ADAMTS15: variants seen among roughly 807,000 people sequenced by gnomAD.
ADAMTS15 encodes the protein ADAM metallopeptidase with thrombospondin type 1 motif 15.
Under a neutral mutation model 79.1 loss-of-function variants are expected in ADAMTS15, and 35 were observed. The observed-to-expected ratio is 0.44, with a 90% CI of 0.34 to 0.59. The LOEUF is 0.59. Ranked by LOEUF, ADAMTS15 falls within the 20% of genes least tolerant of loss-of-function variation. The pLI is 0.02. For synonymous variants in ADAMTS15, 616 were observed against 567.3 expected, an observed-to-expected ratio of 1.09 and a Z score of -1.22; for missense variants, 1,324 against 1,318.7, an observed-to-expected ratio of 1.00 and a Z score of -0.06.
Position 130,462,128 on chromosome 11 carries a change from G to A in ADAMTS15, c.1132G>A (p.Glu378Lys). ...GCCCCATGACAATGTGAAAGTCTGTGAGGAGGTGTTTGGGAAGCTCCGAGC... is the reference window on the plus strand; with the variant it reads ...GCCCCATGACAATGTGAAAGTCTGTAAGGAGGTGTTTGGGAAGCTCCGAGC... ...NMPHDNVKVC[E>K]EVFGKLRANH... The change falls in exon 3 of 8, where the codon GAG (glutamate) becomes AAG (lysine). Residue 378 changes from glutamate to lysine, a missense_variant. Coordinates refer to ENST00000299164, the MANE Select transcript of ADAMTS15 (RefSeq NM_139055.4). This position sits in a 1 kb window ranked among gnomAD's most constrained non-coding sequence, Gnocchi z 4.3. The A allele has an allele frequency of 6.2e-7, 1 of 1,614,134 alleles. No individual in the cohort carries two copies. Among genetic ancestry groups the A allele is most frequent in the Non-Finnish European group, 8.5e-7 (1 of 1,180,020 alleles).
At chr11:130,455,735 G>T (rs866624007) in intron 1 of ADAMTS15, among the ~76,000 whole-genome samples, 3 of 152,350 alleles carry the variant, frequency 2.0e-5, no homozygotes, top group Admixed American at 6.5e-5. Context: ...ATCCACCTTG[G>T]AGTCAGCAGA....
intron 5 of ADAMTS15, among the ~76,000 whole-genome samples, chr11:130,470,207 T>TGTATATATATATATAC (rs1938421255): frequency 1.7e-5 from 1 of 60,214 alleles, no homozygotes; most frequent in South Asian, 4.4e-4. Flanking sequence ...TATATATATA[T>TGTATATATATATATAC]ATGTATATAT....
At chr11:130,468,645 A>G (rs1322523562) in intron 4 of ADAMTS15, among the ~76,000 whole-genome samples, 19 of 151,200 alleles carry the variant, frequency 1.3e-4, no homozygotes, top group South Asian at 4.2e-4. Flanking sequence ...GGCGCCTGTA[A>G]TCCCAGCTAC....
rs1565397563 is a variant in ADAMTS15, at chr11:130,470,144, ATATATATG to A, written c.1720+707_1720+714del. ...CATATATATATATACATATATATATATATATATGTGTATATATATATATATATATATAT... is the reference window on the plus strand; with the variant it reads ...CATATATATATATACATATATATATATGTATATATATATATATATATATAT... On this transcript the variant is annotated intron_variant, in intron 5 of 7. Transcript: ENST00000299164. Among the ~76,000 whole-genome samples, 627 of 64,752 alleles carry A rather than the reference ATATATATG, an allele frequency of 9.7e-3. 18 individuals are homozygous for A. Among genetic ancestry groups the A allele is most frequent in the Non-Finnish European group, 0.015 (509 of 34,430 alleles). The allele number at this position is 64,752 out of a possible 152,430, so 42.5% of individuals were successfully genotyped here. A position where few individuals can be genotyped will look rare whatever the true frequency, so the allele number is the denominator to read the frequency against.
chr11:130,471,196 G>A lies in ADAMTS15; in HGVS notation c.1903-12G>A, dbSNP rs1214090103. 1.3e-6 allele frequency: 2 copies of A among 1,590,644 alleles called. No individual in the cohort carries two copies. Among genetic ancestry groups the A allele is most frequent in the Admixed American group, 1.8e-5 (1 of 57,002 alleles). ...TGCTCTTCCTTCTTTTTCCCCTTCTGGGGTGCTGCAGGTGGTGGACGGCAC... is the reference window on the plus strand; with the variant it reads ...TGCTCTTCCTTCTTTTTCCCCTTCTAGGGTGCTGCAGGTGGTGGACGGCAC... On this transcript the variant is annotated splice_polypyrimidine_tract_variant and intron_variant, in intron 6 of 7. Coordinates refer to ENST00000299164, the MANE Select transcript of ADAMTS15 (RefSeq NM_139055.4).
intron 1 of ADAMTS15, among the ~76,000 whole-genome samples, chr11:130,457,120 C>T (rs1938098005): frequency 6.6e-6 from 1 of 151,712 alleles, no homozygotes; most frequent in South Asian, 2.1e-4. Flanking sequence ...GTAATCCCAG[C>T]TGCTCGGGAG....
At chr11:130,469,529 C>T (rs1016928626) in intron 5 of ADAMTS15, 90 bp downstream of exon 5, 4 of 1,026,434 alleles carry the variant, frequency 3.9e-6, no homozygotes, top group Non-Finnish European at 5.1e-6. Flanking sequence ...TAATGCATGG[C>T]CTCCAGGTAA....
In ADAMTS15 at chr11:130,449,621, C is replaced by G; in HGVS notation, c.648C>G (p.Ile216Met). The G allele has an allele frequency of 3.1e-6, 5 of 1,605,486 alleles. No individual in the cohort carries two copies. The highest frequency in any genetic ancestry group is 3.4e-6 in the Non-Finnish European group (4 of 1,176,506). ...GGCGCGCCAAGCGTTTCGTGTCTAT[C>G]CCGCGGTACGTGGAGACGCTGGTGG... The part of the protein sequence containing the change: ...RSGRAKRFVS[I>M]PRYVETLVVA... The change falls in exon 1 of 8, where the codon ATC becomes ATG. Residue 216 changes from isoleucine (I) to methionine (M), a missense_variant. Physicochemically the swap from Ile to Met is conservative, Grantham distance 10. Transcript: ENST00000299164. The surrounding 1 kb of genome is among the most constrained non-coding windows in gnomAD (Gnocchi z 7.8).
At chr11:130,458,383 G>A (rs1303185020) in intron 1 of ADAMTS15, among the ~76,000 whole-genome samples, 1 of 152,140 alleles carries the variant, frequency 6.6e-6, no homozygotes, top group African/African-American at 2.4e-5. Flanking sequence ...TCTGAAGAGC[G>A]GGGCCGGGGA....
At chr11:130,454,995 G>A (rs56105259) in intron 1 of ADAMTS15, among the ~76,000 whole-genome samples, 5,329 of 151,640 alleles carry the variant, frequency 0.035, 125 homozygotes, top group Non-Finnish European at 0.053. Context: ...ACTCGATCAC[G>A]TGGCATGATG....
chr11:130,466,088 G>A (rs1288074027), intron 4 of ADAMTS15, among the ~76,000 whole-genome samples: 4 of 152,028 alleles, frequency 2.6e-5, no homozygotes, highest in Non-Finnish European at 4.4e-5. Flanking sequence ...GGTCAGGCTG[G>A]TCTCGAACTC....
intron 1 of ADAMTS15, chr11:130,450,138 G>A (rs752216412): frequency 1.8e-5 from 18 of 985,382 alleles, no homozygotes; most frequent in Non-Finnish European, 2.0e-5. Flanking sequence ...GGCCATTGGA[G>A]GAGAGCCTGC....
In ADAMTS15 at chr11:130,473,377, G is replaced by C. The variant is rs1364593767; in HGVS notation, c.2409G>C (p.Glu803Asp). 1 of 1,612,828 alleles carries C rather than the reference G, an allele frequency of 6.2e-7. No individual in the cohort carries two copies. Among genetic ancestry groups the C allele is most frequent in the Admixed American group, 1.7e-5 (1 of 60,024 alleles). Residue 803 changes from glutamate (E) to aspartate (D), a missense_variant, in exon 8 of 8, where the codon GAG becomes GAC. Coordinates refer to ENST00000299164, the MANE Select transcript of ADAMTS15 (RefSeq NM_139055.4). ...RVRYSFYLPK[E>D]PREDKSSHPK... Reference sequence around the variant, plus strand: ...GCTACTCCTTCTATCTGCCCAAAGAGCCTCGGGAGGACAAGTCCTCTCATC... The same window carrying C: ...GCTACTCCTTCTATCTGCCCAAAGACCCTCGGGAGGACAAGTCCTCTCATC...
chr11:130,450,464 G>C (rs901520875), intron 1 of ADAMTS15: 213 of 983,220 alleles, frequency 2.2e-4, no homozygotes, highest in Non-Finnish European at 2.5e-4. Flanking sequence ...AGCCTGGATT[G>C]GGGTGGAGGG....
intron 1 of ADAMTS15, among the ~76,000 whole-genome samples, chr11:130,456,074 G>A (rs1938072360): frequency 1.3e-5 from 2 of 152,144 alleles, no homozygotes; most frequent in Admixed American, 6.5e-5. Flanking sequence ...TGGGCTTACT[G>A]TGTGACCCTG....
At chr11:130,458,534 A>G (rs941439531) in intron 1 of ADAMTS15, among the ~76,000 whole-genome samples, 1 of 151,466 alleles carries the variant, frequency 6.6e-6, no homozygotes, top group East Asian at 1.9e-4. Context: ...TATAACCTAC[A>G]GGGCCAGAAG....
At position 130,448,940 on chromosome 11, in the gene ADAMTS15, C is replaced by T. The variant is rs773687938; in HGVS notation, c.-34C>T. ...GCGGCCGGAGAGCCCGGCCCAGCCC[C>T]TTCCCACAGCGCGGCGGTGCGCTGC... On this transcript the variant is annotated 5_prime_UTR_variant, in exon 1 of 8. Coordinates refer to ENST00000299164, the MANE Select transcript of ADAMTS15 (RefSeq NM_139055.4). 6.8e-7 allele frequency: 1 copy of T among 1,469,184 alleles called. No individual in the cohort carries two copies. Among genetic ancestry groups the T allele is most frequent in the Non-Finnish European group, 9.0e-7 (1 of 1,109,690 alleles). The allele number at this position is 1,469,184 out of a possible 1,614,324, so 91.0% of individuals were successfully genotyped here.
Position 130,457,966 on chromosome 11 carries a change from G to A in ADAMTS15, c.958-3523G>A, listed in dbSNP as rs558722673. Among the ~76,000 whole-genome samples, 8 of 152,216 alleles carry A rather than the reference G, an allele frequency of 5.3e-5. No homozygotes were observed. The South Asian group carries it at 1.2e-3, about 24-fold the overall frequency. On this transcript the variant is annotated intron_variant, in intron 1 of 7. Transcript: ENST00000299164. The stretch of plus-strand genomic sequence containing the variant: ...CACTCTTACCCTCAGGAAATTTGCC[G>A]GCTCTTTCCTTGTTCCTCTCATTTG...
Position 130,472,024 on chromosome 11 carries a change from G to T in ADAMTS15, c.2078+641G>T, listed in dbSNP as rs1938470835. On this transcript the variant is annotated intron_variant, in intron 7 of 7. Coordinates refer to ENST00000299164, the MANE Select transcript of ADAMTS15 (RefSeq NM_139055.4). The surrounding 1 kb of genome is among the most constrained non-coding windows in gnomAD (Gnocchi z 4.7). Reference sequence around the variant, plus strand: ...GTCTTCACGTCTTGGGCAATCCCTGGGCATCTAGTCCCAACTTCAGAATCT... The same window carrying T: ...GTCTTCACGTCTTGGGCAATCCCTGTGCATCTAGTCCCAACTTCAGAATCT... Among the ~76,000 whole-genome samples, 1 of 152,206 alleles carries T rather than the reference G, an allele frequency of 6.6e-6. No homozygotes were observed. The highest frequency in any genetic ancestry group is 6.5e-5 in the Admixed American group (1 of 15,284).
Sources: gnomAD v4.1 joint callset for allele counts (sites outside exome capture counted in the v4.1 genomes callset) on GRCh38, gnomAD v4.1.1 for gene constraint, Gnocchi (gnomAD v3.1) non-coding constraint, MANE v1.5 for transcripts, NCBI Gene and HGNC (gene_info 2026-07-23, HGNC 2026-07-21) for gene names.